Variants in AK3 observed in about 807,000 individuals in gnomAD.
The protein encoded by AK3 is GTP:AMP phosphotransferase AK3, mitochondrial.
In AK3, 27 loss-of-function variants were observed where a neutral mutation model predicts 23.7. That is an observed-to-expected ratio of 1.14 (90% CI 0.84 to 1.57). The LOEUF (loss-of-function observed/expected upper bound fraction) is 1.57. AK3 is among the 40% of genes most tolerant of loss of function. AK3 has a pLI of 0.00. For missense variants in AK3, 406 were observed against 285.6 expected (o/e 1.42, Z -3.04); for synonymous variants, 159 against 116.0 (o/e 1.37, Z -2.38).
intron 1 of AK3, among the ~76,000 whole-genome samples, chr9:4,728,832 C>CAT (rs145541536): frequency 2.3e-5 from 2 of 86,854 alleles, no homozygotes; most frequent in Admixed American, 1.3e-4. Flanking sequence ...CATGTCTCTA[C>CAT]ATATATATAT....
intron 1 of AK3, among the ~76,000 whole-genome samples, chr9:4,739,879 C>T (rs1842384548): frequency 1.3e-5 from 2 of 151,482 alleles, no homozygotes; most frequent in East Asian, 3.9e-4. Context: ...AGCAAGACTC[C>T]GTCTCAAAAA....
chr9:4,725,935 G>A (rs1449392579), intron 1 of AK3, among the ~76,000 whole-genome samples: 1 of 151,746 alleles, frequency 6.6e-6, no homozygotes, highest in Non-Finnish European at 1.5e-5. Flanking sequence ...GAGATATTGT[G>A]GGTTTGGTTC....
chr9:4,731,276 C>T (rs2130903623), intron 1 of AK3, among the ~76,000 whole-genome samples: 1 of 152,210 alleles, frequency 6.6e-6, no homozygotes, highest in East Asian at 1.9e-4. Flanking sequence ...CTCCCCACCT[C>T]CATCCTCTGA....
chr9:4,711,677 T>A lies in AK3; in HGVS notation c.*1299A>T, dbSNP rs1841565799. ...AAGAGTAAATATGCCATGGAAGACA[T>A]AATCAAGTTTTTCCTCCATCTCTCA... On this transcript the variant is annotated 3_prime_UTR_variant, in exon 5 of 5. Transcript: ENST00000381809. 1 of 152,184 alleles carries A rather than the reference T, an allele frequency of 6.6e-6. No homozygotes were observed. The highest frequency in any genetic ancestry group is 6.5e-5 in the Admixed American group (1 of 15,272). 9.4% of individuals were successfully genotyped at this position (152,184 alleles called of 1,614,324 possible). A position where few individuals can be genotyped will look rare whatever the true frequency, so the allele number is the denominator to read the frequency against.
intron 1 of AK3, among the ~76,000 whole-genome samples, chr9:4,732,870 CT>C (rs145499793): frequency 0.57 from 81,649 of 142,320 alleles, 24,333 homozygotes; most frequent in East Asian, 0.79. Flanking sequence ...CTCTCTCTCT[CT>C]TTTTTTTTTT....
intron 1 of AK3, among the ~76,000 whole-genome samples, chr9:4,725,642 G>T (rs1229087254): frequency 6.6e-6 from 1 of 152,036 alleles, no homozygotes; most frequent in Admixed American, 6.5e-5. Context: ...AAAAGACAAT[G>T]CATAGCATGG....
Position 4,741,147 on chromosome 9 carries a change from C to T in AK3, c.-60G>A, listed in dbSNP as rs1379963081. 4 of 1,349,342 alleles carry T rather than the reference C, an allele frequency of 3.0e-6. No individual in the cohort carries two copies. Among genetic ancestry groups the T allele is most frequent in the Non-Finnish European group, 3.8e-6 (4 of 1,049,284 alleles). The allele number at this position is 1,349,342 out of a possible 1,614,324, so 83.6% of individuals were successfully genotyped here. A position where few individuals can be genotyped will look rare whatever the true frequency, so the allele number is the denominator to read the frequency against. On this transcript the variant is annotated 5_prime_UTR_variant, in exon 1 of 5. Coordinates refer to ENST00000381809, the MANE Select transcript of AK3 (RefSeq NM_016282.4). ...AGGGCTTTGGCCTGGCCTGCGCGCT[C>T]ACCCGCTCGGCAGCCTGCGCCGGCC...
chr9:4,721,288 A>C (rs1204998944), intron 2 of AK3, among the ~76,000 whole-genome samples: 2 of 151,854 alleles, frequency 1.3e-5, no homozygotes, highest in African/African-American at 4.8e-5. Flanking sequence ...CTGTAATCCC[A>C]GCTACTCAGG....
At chr9:4,722,337 T>A (rs951727036) in intron 2 of AK3, among the ~76,000 whole-genome samples, 169 bp downstream of exon 2, 1 of 152,204 alleles carries the variant, frequency 6.6e-6, no homozygotes, top group Non-Finnish European at 1.5e-5. Context: ...CCTCTTTCCA[T>A]TTGGATATAG....
At chr9:4,741,299 G>A (rs1842428641), upstream of AK3, 2 of 441,348 alleles carry the variant, frequency 4.5e-6, no homozygotes, top group Admixed American at 4.6e-5. Flanking sequence ...GGCTACCCCG[G>A]CGCACCCCCC....
intron 1 of AK3, among the ~76,000 whole-genome samples, chr9:4,733,648 TCTACACTCCC>T (rs1339697597): frequency 6.6e-6 from 1 of 152,154 alleles, no homozygotes; most frequent in African/African-American, 2.4e-5. Flanking sequence ...CTGTTCCAGG[TCTACACTCCC>T]CTTCCCATTC....
chr9:4,740,271 G>A (rs982289918), intron 1 of AK3, among the ~76,000 whole-genome samples: 1 of 152,126 alleles, frequency 6.6e-6, no homozygotes, highest in Non-Finnish European at 1.5e-5. Context: ...CCATTGTATA[G>A]TGTAGATTGT....
chr9:4,730,065 A>G (rs922964542), intron 1 of AK3, among the ~76,000 whole-genome samples: 9 of 152,210 alleles, frequency 5.9e-5, no homozygotes, highest in Non-Finnish European at 1.0e-4. Context: ...CAGTGAAAGA[A>G]GCCAGACACA....
intron 1 of AK3, among the ~76,000 whole-genome samples, chr9:4,731,960 C>A (rs1587654905): frequency 6.6e-6 from 1 of 152,172 alleles, no homozygotes; most frequent in East Asian, 1.9e-4. Context: ...TTATGATTTT[C>A]TTTTTTAGAG....
At chr9:4,726,386 G>A (rs1464400669) in intron 1 of AK3, among the ~76,000 whole-genome samples, 2 of 152,098 alleles carry the variant, frequency 1.3e-5, no homozygotes, top group African/African-American at 2.4e-5. Context: ...TCTCAGACCC[G>A]CTGCTCCTTT....
chr9:4,727,267 T>C (rs1053497322), intron 1 of AK3, among the ~76,000 whole-genome samples: 2 of 152,234 alleles, frequency 1.3e-5, no homozygotes, highest in Admixed American at 6.5e-5. Context: ...AAGTCAAGCA[T>C]TGACTTCTCT....
At chr9:4,730,820 CTT>C (rs759727804) in intron 1 of AK3, among the ~76,000 whole-genome samples, 1 of 151,898 alleles carries the variant, frequency 6.6e-6, no homozygotes, top group Non-Finnish European at 1.5e-5. Flanking sequence ...TTATTTTTCT[CTT>C]TTGTTTTATG....
At chr9:4,728,858 T>C (rs71490241) in intron 1 of AK3, among the ~76,000 whole-genome samples, 32,566 of 68,576 alleles carry the variant, frequency 0.47, 4,808 homozygotes, top group Middle Eastern at 0.56. Context: ...TATATATATA[T>C]ATATATATAC....
chr9:4,719,160 A>C lies in AK3; in HGVS notation c.419T>G (p.Ile140Ser), dbSNP rs778755635. The C allele has an allele frequency of 3.7e-6, 6 of 1,611,724 alleles. No individual in the cohort carries two copies. The African/African-American group carries it at 8.0e-5, about 22-fold the overall frequency. The change falls in exon 3 of 5, where the codon ATT becomes AGT. Residue 140 changes from isoleucine to serine, a missense_variant. Transcript: ENST00000381809. ...IHPASGRVYN[I>S]EFNPPKTVGI... is the part of the protein sequence containing the mutation. ...CACAGTTTTGGGAGGGTTGAATTCA[A>C]TGTTATAGACTCGGCCACTGGCGGG... is the stretch of plus-strand genomic sequence containing the variant.
Sources: allele counts gnomAD v4.1 joint callset (sites outside exome capture counted in the v4.1 genomes callset), GRCh38; gene constraint gnomAD v4.1.1; transcripts MANE v1.5; gene names NCBI Gene and HGNC (gene_info 2026-07-23, HGNC 2026-07-21).